Variants in LPP observed in about 807,000 individuals in gnomAD.
The protein encoded by LPP is LIM domain containing preferred translocation partner in lipoma, also known as lipoma-preferred partner.
A neutral mutation model predicts 60.4 loss-of-function variants in LPP; 38 were observed. The ratio of observed to expected loss-of-function variants is 0.63; its 90% CI spans 0.49 to 0.83. The LOEUF (loss-of-function observed/expected upper bound fraction) is 0.83, where lower values mean the gene tolerates loss of function less well. LPP is among the 40% of genes least tolerant of loss of function. The pLI, the probability that LPP is intolerant of heterozygous loss-of-function variation, is 0.00. For missense variants in LPP, 902 were observed against 783.6 expected, an observed-to-expected ratio of 1.15 and a Z score of -1.80; for synonymous variants, 328 against 290.8, an observed-to-expected ratio of 1.13 and a Z score of -1.30.
At position 188,833,455 on chromosome 3, in the gene LPP, C is replaced by T. The variant is rs150607458; in HGVS notation, c.1411-32745C>T. Among the ~76,000 whole-genome samples, 21 of 152,212 alleles carry T rather than the reference C, an allele frequency of 1.4e-4. No homozygotes were observed. In the East Asian group the frequency reaches 3.7e-3, roughly 27 times the overall value. ...CTTGAATTCCTTTCTGCAGGTGGAG[C>T]GTTGGATCCTAGAGGCGGTGTATAC... On this transcript the variant is annotated intron_variant, in intron 9 of 11. Coordinates refer to ENST00000617246, the MANE Select transcript of LPP (RefSeq NM_001375462.1).
At chr3:188,679,602 C>T (rs1323674466) in intron 7 of LPP, among the ~76,000 whole-genome samples, 2 of 151,272 alleles carry the variant, frequency 1.3e-5, no homozygotes, top group Non-Finnish European at 2.9e-5. Context: ...AATATTTGAC[C>T]ACTATGAGGA....
chr3:188,863,042 G>T (rs1765657511), intron 9 of LPP, among the ~76,000 whole-genome samples: 1 of 152,068 alleles, frequency 6.6e-6, no homozygotes, highest in Non-Finnish European at 1.5e-5. Flanking sequence ...AGAATTATCA[G>T]TGGAGGTGCA....
rs1244155646 is a variant in LPP at position 188,300,202 on chromosome 3, A to AT, written c.-66-41453dup. ...TTTTTAAGAAGGGTTGTGTGTGTTTATTTTTTTTCTTTTTTTGTGTGTGTT... is the reference window on the plus strand; with the variant it reads ...TTTTTAAGAAGGGTTGTGTGTGTTTATTTTTTTTTCTTTTTTTGTGTGTGTT... On this transcript the variant is annotated intron_variant, in intron 2 of 11. Coordinates refer to ENST00000617246, the MANE Select transcript of LPP (RefSeq NM_001375462.1). Among the ~76,000 whole-genome samples the AT allele has an allele frequency of 1.4e-3, 204 of 150,778 alleles. 2 individuals carry two copies. Among genetic ancestry groups the AT allele is most frequent in the Middle Eastern group, 0.01 (3 of 290 alleles).
chr3:188,410,898 C>T, intron 4 of LPP, among the ~76,000 whole-genome samples: 1 of 152,172 alleles, frequency 6.6e-6, no homozygotes. Flanking sequence ...ATCCTTCACC[C>T]TGAGTCCCCA....
At chr3:188,374,061 G>A (rs1172040257) in intron 3 of LPP, among the ~76,000 whole-genome samples, 1 of 152,044 alleles carries the variant, frequency 6.6e-6, no homozygotes, top group East Asian at 1.9e-4. Context: ...TGTTCCATTG[G>A]CCTATATCTC....
At chr3:188,792,071 C>T (rs1743948199) in intron 9 of LPP, among the ~76,000 whole-genome samples, 1 of 152,126 alleles carries the variant, frequency 6.6e-6, no homozygotes, top group African/African-American at 2.4e-5. Context: ...GCTGCTATAC[C>T]AGGCTGTCCT....
intron 9 of LPP, among the ~76,000 whole-genome samples, chr3:188,847,612 C>A (rs866450131): frequency 6.6e-6 from 1 of 152,156 alleles, no homozygotes; most frequent in Non-Finnish European, 1.5e-5. Context: ...ATTGTTATGA[C>A]CCAAGCAGTT....
At chr3:188,813,915 CA>C (rs1751760457) in intron 9 of LPP, among the ~76,000 whole-genome samples, 2 of 151,820 alleles carry the variant, frequency 1.3e-5, no homozygotes, top group South Asian at 4.2e-4. Context: ...ACTAAAAACA[CA>C]AAAAAATTAG....
intron 8 of LPP, chr3:188,709,507 C>G (rs1298943556): frequency 6.6e-6 from 1 of 152,228 alleles, no homozygotes; most frequent in Non-Finnish European, 1.5e-5. Flanking sequence ...CAGGTGCCCA[C>G]CGCCACACCT....
chr3:188,846,049 T>C (rs1465948193), intron 9 of LPP, among the ~76,000 whole-genome samples: 2 of 152,212 alleles, frequency 1.3e-5, no homozygotes, highest in African/African-American at 4.8e-5. Flanking sequence ...CAGTCATTAG[T>C]CAATGAACAC....
At chr3:188,735,018 G>A (rs1210513925) in intron 8 of LPP, among the ~76,000 whole-genome samples, 3 of 152,160 alleles carry the variant, frequency 2.0e-5, no homozygotes, top group South Asian at 2.1e-4. Context: ...GAGTATTCAC[G>A]TCGTTGTTGA....
At chr3:188,755,627 G>A (rs1283662781) in intron 8 of LPP, among the ~76,000 whole-genome samples, 2 of 151,768 alleles carry the variant, frequency 1.3e-5, no homozygotes, top group Admixed American at 6.6e-5. Flanking sequence ...AGCACAGCAA[G>A]ACCCTATCTG....
intron 2 of LPP, chr3:188,239,743 A>T (rs1723211192): frequency 4.6e-6 from 1 of 218,010 alleles, no homozygotes; most frequent in African/African-American, 2.2e-5. Context: ...AAACAAGCAC[A>T]AATTAGAAGT....
chr3:188,727,117 C>A (rs1273354385), intron 8 of LPP, among the ~76,000 whole-genome samples: 1 of 152,126 alleles, frequency 6.6e-6, no homozygotes, highest in Non-Finnish European at 1.5e-5. Flanking sequence ...CAGAAAAGCC[C>A]AAAGTAGCTT....
intron 9 of LPP, among the ~76,000 whole-genome samples, chr3:188,794,151 T>C (rs1424812940): frequency 6.6e-6 from 1 of 152,252 alleles, no homozygotes; most frequent in Non-Finnish European, 1.5e-5. Flanking sequence ...CATAGAGGTA[T>C]ATCTCACTGG....
intron 2 of LPP, among the ~76,000 whole-genome samples, chr3:188,228,454 T>C (rs1349915386): frequency 6.6e-6 from 1 of 152,166 alleles, no homozygotes; most frequent in East Asian, 1.9e-4. Context: ...GTAGCACAGA[T>C]GAAGCCAGAC....
At position 188,585,325 on chromosome 3, in the gene LPP, A is replaced by G. The variant is rs150042157; in HGVS notation, c.430-23836A>G. On this transcript the variant is annotated intron_variant, in intron 6 of 11. Transcript: ENST00000617246. ...AACCCTCTCCCCTTTGTATTTTTCT[A>G]CTCTTAAGATGCATCATTTTATGTT... 8.7e-3 allele frequency among the ~76,000 whole-genome samples: 1,322 copies of G among 152,106 alleles called. 4 individuals carry two copies. The highest frequency in any genetic ancestry group is 0.014 in the Middle Eastern group (4 of 292).
chr3:188,363,905 CAAAAAAAAAAAA>C (rs541715135), intron 3 of LPP, among the ~76,000 whole-genome samples: 1 of 96,900 alleles, frequency 1.0e-5, no homozygotes, highest in African/African-American at 3.9e-5. Context: ...AACTCCCTCC[CAAAAAAAAAAAA>C]AAAAAAAAAA....
At chr3:188,534,516 A>G (rs183608223) in intron 6 of LPP, among the ~76,000 whole-genome samples, 4 of 152,246 alleles carry the variant, frequency 2.6e-5, no homozygotes, top group Non-Finnish European at 4.4e-5. Flanking sequence ...TTAAATATCT[A>G]TTTTGGTGGT....
Sources: gnomAD v4.1 joint callset for allele counts (sites outside exome capture counted in the v4.1 genomes callset) on GRCh38, gnomAD v4.1.1 for gene constraint, MANE v1.5 for transcripts, NCBI Gene and HGNC (gene_info 2026-07-23, HGNC 2026-07-21) for gene names.